The following PKLR variants were observed in gnomAD, a reference collection of about 807,000 sequenced individuals.
PKLR encodes the protein pyruvate kinase L/R.
Under a neutral mutation model 53.6 loss-of-function variants are expected in PKLR, and 38 were observed. That is an observed-to-expected ratio of 0.71 (90% CI 0.55 to 0.93). PKLR has a LOEUF of 0.93. Among genes scored for constraint, PKLR ranks in the 40% least tolerant of loss-of-function variants. PKLR has a pLI of 0.00. For missense variants in PKLR, 702 were observed against 787.3 expected (o/e 0.89, Z 1.30); for synonymous variants, 328 against 316.2 (o/e 1.04, Z -0.39).
Position 155,294,281 on chromosome 1 carries a change from A to G in PKLR, c.1070T>C (p.Ile357Thr), listed in dbSNP as rs779152555. 12 of 1,613,894 alleles carry G rather than the reference A, an allele frequency of 7.4e-6. No homozygotes were observed. The highest frequency in any genetic ancestry group is 3.3e-5 in the South Asian group (3 of 91,064). Reference sequence around the variant, plus strand: ...CTTGCCCGCCAAGTTGCAGCGCCCAATCATCATCTTCTGAGCCAGGAAAAC... The same window carrying G: ...CTTGCCCGCCAAGTTGCAGCGCCCAGTCATCATCTTCTGAGCCAGGAAAAC... ...EKVFLAQKMM[I>T]GRCNLAGKPV... Residue 357 changes from isoleucine to threonine, a missense_variant, in exon 7 of 11, where the codon ATT becomes ACT. Transcript: ENST00000342741.
At chr1:155,292,960 A>C (rs539721059) in intron 9 of PKLR, among the ~76,000 whole-genome samples, 1 of 152,232 alleles carries the variant, frequency 6.6e-6, no homozygotes. Flanking sequence ...AATGGCCTTG[A>C]AGCCAATGTG....
chr1:155,299,858 T>C (rs371630584), intron 2 of PKLR, among the ~76,000 whole-genome samples: 3 of 152,284 alleles, frequency 2.0e-5, no homozygotes, highest in East Asian at 1.9e-4. Flanking sequence ...TTATTGTGCT[T>C]ACTATTTATT....
rs1208131291 is a variant in PKLR, at chr1:155,294,719, C to A, written c.728G>T (p.Gly243Val). The change falls in exon 6 of 11, where the codon GGC becomes GTC. Residue 243 changes from glycine to valine, a missense_variant. Gly to Val is a moderately radical substitution (Grantham distance 109). Around this residue, in one of 2 missense-constraint regions of PKLR, gnomAD observed 519 missense variants for 537.1 expected, o/e 0.97. Coordinates refer to ENST00000342741, the MANE Select transcript of PKLR (RefSeq NM_000298.6). ...PEGLVTQVEN[G>V]GVLGSRKGVN... Reference sequence around the variant, plus strand: ...GCCCTTCCGGCTGCCCAGGACGCCGCCGTTCTCCACTTGGGTCACCAGTCC... The same window carrying A: ...GCCCTTCCGGCTGCCCAGGACGCCGACGTTCTCCACTTGGGTCACCAGTCC... The A allele has an allele frequency of 6.2e-7, 1 of 1,614,000 alleles. No homozygotes were observed. The highest frequency in any genetic ancestry group is 2.2e-5 in the East Asian group (1 of 44,876).
chr1:155,293,273 A>C lies in PKLR; in HGVS notation c.1340T>G (p.Leu447Arg). ...LFEELRRAAP[L>R]SRDPTEVTAI... ...GGTGACCTCAGTGGGATCACGGCTT[A>C]GTGGCGCTGCCCGACGTAGCTCCTC... Residue 447 changes from leucine to arginine, a missense_variant, in exon 9 of 11, where the codon CTA becomes CGA. Physicochemically the swap from Leu to Arg is moderately radical, Grantham distance 102. Coordinates refer to ENST00000342741, the MANE Select transcript of PKLR (RefSeq NM_000298.6). This position sits in a 1 kb window ranked among gnomAD's most constrained non-coding sequence, Gnocchi z 4.2. 1 of 1,614,222 alleles carries C rather than the reference A, an allele frequency of 6.2e-7. No homozygotes were observed. Among genetic ancestry groups the C allele is most frequent in the Non-Finnish European group, 8.5e-7 (1 of 1,180,036 alleles).
In PKLR at chr1:155,291,729, G is replaced by A. The variant is rs771308131; in HGVS notation, c.1618+27C>T. 8 of 1,606,600 alleles carry A rather than the reference G, an allele frequency of 5.0e-6. No homozygotes were observed. In the South Asian group the frequency reaches 8.8e-5, roughly 18 times the overall value. ...GGGGCTCCTGATACAAATGGTAGGAGTGGCAGGGAAGGTCTAGGTAGCTCA... is the reference window on the plus strand; with the variant it reads ...GGGGCTCCTGATACAAATGGTAGGAATGGCAGGGAAGGTCTAGGTAGCTCA... On this transcript the variant is annotated intron_variant, in intron 10 of 10. Coordinates refer to ENST00000342741, the MANE Select transcript of PKLR (RefSeq NM_000298.6).
Position 155,295,710 on chromosome 1 carries a change from G to A in PKLR, c.330C>T (p.Ala110=). ...SVERLKEMIK[A]GMNIARLNFS... ...AGTTGAGTCGCGCAATGTTCATCCC[G>A]GCCTTGATCATCTCCTTGAGGCGCT... The change falls in exon 3 of 11, where the codon GCC becomes GCT. Residue 110 remains alanine, a synonymous_variant. Coordinates refer to ENST00000342741, the MANE Select transcript of PKLR (RefSeq NM_000298.6). The surrounding 1 kb of genome is among the most constrained non-coding windows in gnomAD (Gnocchi z 4.3). The A allele has an allele frequency of 6.2e-7, 1 of 1,614,138 alleles. No individual in the cohort carries two copies. The highest frequency in any genetic ancestry group is 8.5e-7 in the Non-Finnish European group (1 of 1,180,012).
At chr1:155,292,079 C>G in intron 9 of PKLR, 142 bp from the exon 10 acceptor site, 1 of 792,648 alleles carries the variant, frequency 1.3e-6, no homozygotes, top group Non-Finnish European at 2.1e-6. Flanking sequence ...CCTTGGTGTT[C>G]TCACCTGTAA....
chr1:155,297,148 C>T (rs1647645376), intron 2 of PKLR, among the ~76,000 whole-genome samples: 1 of 152,196 alleles, frequency 6.6e-6, no homozygotes, highest in Non-Finnish European at 1.5e-5. Context: ...TTGGTGGTCT[C>T]AACTAGTCTC....
At position 155,289,515 on chromosome 1, in the gene PKLR, G is replaced by A. The variant is rs1674442117; in HGVS notation, c.*1057C>T. On this transcript the variant is annotated 3_prime_UTR_variant, in exon 11 of 11. Coordinates refer to ENST00000342741, the MANE Select transcript of PKLR (RefSeq NM_000298.6). ...GGTAGGGGCAGGAGGAGCCACATGAGAGAGGGAGAAGGACCGCGTTTACCT... is the reference window on the plus strand; with the variant it reads ...GGTAGGGGCAGGAGGAGCCACATGAAAGAGGGAGAAGGACCGCGTTTACCT... The A allele has an allele frequency of 6.6e-6, 1 of 152,370 alleles. No individual in the cohort carries two copies. Among genetic ancestry groups the A allele is most frequent in the South Asian group, 2.1e-4 (1 of 4,830 alleles). The allele number at this position is 152,370 out of a possible 1,614,324, so 9.4% of individuals were successfully genotyped here.
At chr1:155,297,998 C>T (rs976711161) in intron 2 of PKLR, among the ~76,000 whole-genome samples, 20 of 152,142 alleles carry the variant, frequency 1.3e-4, no homozygotes. Context: ...GCCCTTATCA[C>T]ACTTGATTTC....
upstream of PKLR, among the ~76,000 whole-genome samples, chr1:155,302,138 A>G (rs933639676): frequency 3.3e-5 from 5 of 149,572 alleles, no homozygotes; most frequent in Admixed American, 1.3e-4. Context: ...GTTCATTGCA[A>G]CCTCTGCGAT....
chr1:155,292,286 GAT>G (rs760731145), intron 9 of PKLR, among the ~76,000 whole-genome samples: 3 of 149,668 alleles, frequency 2.0e-5, no homozygotes, highest in Non-Finnish European at 4.4e-5. Flanking sequence ...ACACAAGAAA[GAT>G]ATGAGATAAT....
chr1:155,290,372 A>G lies in PKLR; in HGVS notation c.*200T>C. The G allele has an allele frequency of 1.7e-6, 1 of 600,728 alleles. No homozygotes were observed. The highest frequency in any genetic ancestry group is 3.0e-6 in the Non-Finnish European group (1 of 334,770). 37.2% of individuals were successfully genotyped at this position (600,728 alleles called of 1,614,324 possible). A position where few individuals can be genotyped will look rare whatever the true frequency, so the allele number is the denominator to read the frequency against. ...GACACAGACTTTCAGGACCTGTGTGAAATGGAGATGGGGAAGGGGCAACCT... is the reference window on the plus strand; with the variant it reads ...GACACAGACTTTCAGGACCTGTGTGGAATGGAGATGGGGAAGGGGCAACCT... On this transcript the variant is annotated 3_prime_UTR_variant, in exon 11 of 11. Coordinates refer to ENST00000342741, the MANE Select transcript of PKLR (RefSeq NM_000298.6).
chr1:155,296,815 T>C (rs898474500), intron 2 of PKLR, among the ~76,000 whole-genome samples: 1 of 152,028 alleles, frequency 6.6e-6, no homozygotes, highest in Non-Finnish European at 1.5e-5. Context: ...TACCTCTAGT[T>C]CCCCTCCCCC....
intron 2 of PKLR, among the ~76,000 whole-genome samples, chr1:155,297,899 T>C (rs1423569825): frequency 6.6e-6 from 1 of 152,106 alleles, no homozygotes; most frequent in Non-Finnish European, 1.5e-5. Context: ...TCTCATCTCC[T>C]TCAAGTCTTC....
upstream of PKLR, among the ~76,000 whole-genome samples, chr1:155,305,984 G>T (rs1648224082): frequency 1.3e-5 from 2 of 152,104 alleles, no homozygotes; most frequent in Admixed American, 6.6e-5. Context: ...AACCAGTTGG[G>T]AGGATAGGAA....
chr1:155,291,451 G>C (rs1016462426), intron 10 of PKLR, among the ~76,000 whole-genome samples: 1 of 150,424 alleles, frequency 6.6e-6, no homozygotes, highest in Admixed American at 6.6e-5. Context: ...AGCCGAGATC[G>C]TACCCCTGCA....
chr1:155,308,423 TACCACC>T, the PKLR span: 5 of 358,604 alleles, frequency 1.4e-5, no homozygotes, highest in Non-Finnish European at 1.9e-5. Context: ...CTCATGGTAT[TACCACC>T]CTCATTCAAC....
chr1:155,300,322 T>C (rs1475734582), intron 1 of PKLR, 42 bp from the exon 2 acceptor site: 2 of 1,501,652 alleles, frequency 1.3e-6, no homozygotes, highest in African/African-American at 2.8e-5. Context: ...TCACCTGCCC[T>C]TCCTCCCCAT....
Sources: allele counts gnomAD v4.1 joint callset (sites outside exome capture counted in the v4.1 genomes callset), GRCh38; gene constraint gnomAD v4.1.1; regional missense constraint gnomAD v4.1.1; non-coding constraint Gnocchi (gnomAD v3.1); transcripts MANE v1.5; gene names NCBI Gene and HGNC (gene_info 2026-07-23, HGNC 2026-07-21).